Variants in TUSC7 observed in about 807,000 individuals in gnomAD.
TUSC7 encodes the protein tumor suppressor candidate 7, also known as LSAMP antisense RNA 3.
intron 1 of TUSC7, among the ~76,000 whole-genome samples, chr3:116,715,297 T>C (rs990363763): frequency 6.6e-6 from 1 of 152,206 alleles, no homozygotes; most frequent in African/African-American, 2.4e-5. Context: ...ATCTGTAGGC[T>C]GGTTTTTGTG....
chr3:116,712,180 GTTTTC>G (rs1202325806), intron 1 of TUSC7, among the ~76,000 whole-genome samples: 1 of 152,136 alleles, frequency 6.6e-6, no homozygotes, highest in East Asian at 1.9e-4. Context: ...ATGCTCCTGT[GTTTTC>G]TTATCTTATT....
intron 1 of TUSC7, among the ~76,000 whole-genome samples, chr3:116,711,507 T>C (rs576827427): frequency 6.6e-6 from 1 of 152,330 alleles, no homozygotes; most frequent in African/African-American, 2.4e-5. Context: ...TATTTCATTT[T>C]TAAGATACTT....
At chr3:116,711,033 T>C (rs2051457738) in intron 1 of TUSC7, among the ~76,000 whole-genome samples, 1 of 152,188 alleles carries the variant, frequency 6.6e-6, no homozygotes, top group South Asian at 2.1e-4. Flanking sequence ...ATTGTGCCTA[T>C]ATTTCTGGAT....
intron 1 of TUSC7, among the ~76,000 whole-genome samples, chr3:116,714,392 C>T (rs1373736016): frequency 6.6e-6 from 1 of 152,186 alleles, no homozygotes; most frequent in Non-Finnish European, 1.5e-5. Context: ...AGCTAGTCTG[C>T]ATCTTAGATT....
At chr3:116,709,866 T>C in exon 1 of TUSC7, 1 of 152,094 alleles carries the variant, frequency 6.6e-6, no homozygotes. Context: ...TGGAGATATA[T>C]CTTGCTAGAG....
intron 1 of TUSC7, chr3:116,716,800 G>T (rs1301307998): frequency 6.6e-6 from 1 of 152,166 alleles, no homozygotes; most frequent in East Asian, 1.9e-4. Flanking sequence ...ATGAATGCCA[G>T]TGTTCGCCTT....
intron 1 of TUSC7, among the ~76,000 whole-genome samples, chr3:116,714,944 A>G (rs1277883859): frequency 6.6e-6 from 1 of 152,208 alleles, no homozygotes; most frequent in African/African-American, 2.4e-5. Flanking sequence ...ATAGTATTGT[A>G]CAGAGGATTT....
chr3:116,709,910 G>T (rs1339510853), intron 1 of TUSC7: 5 of 152,092 alleles, frequency 3.3e-5, no homozygotes, highest in Admixed American at 3.3e-4. Flanking sequence ...TCTATAGGTA[G>T]AGGATAATGT....
chr3:116,711,531 T>TA (rs2051463218), intron 1 of TUSC7, among the ~76,000 whole-genome samples: 1 of 152,178 alleles, frequency 6.6e-6, no homozygotes, highest in East Asian at 1.9e-4. Context: ...GCTTTCTCAT[T>TA]CTATGATGTA....
At chr3:116,711,396 C>T (rs1360150491) in intron 1 of TUSC7, among the ~76,000 whole-genome samples, 1 of 152,140 alleles carries the variant, frequency 6.6e-6, no homozygotes, top group Admixed American at 6.5e-5. Flanking sequence ...TCTATAATAG[C>T]AATATATGAA....
intron 1 of TUSC7, among the ~76,000 whole-genome samples, chr3:116,713,812 A>T (rs1401176909): frequency 6.6e-6 from 1 of 152,144 alleles, no homozygotes; most frequent in African/African-American, 2.4e-5. Flanking sequence ...GTAAATATAC[A>T]AAAATGAGCC....
intron 1 of TUSC7, chr3:116,712,438 A>G (rs1466206501): frequency 1.3e-5 from 2 of 152,170 alleles, no homozygotes; most frequent in African/African-American, 4.8e-5. Flanking sequence ...CCTTAACCAC[A>G]CTGTACCCTC....
intron 1 of TUSC7, chr3:116,710,013 G>C (rs919045383): frequency 2.6e-5 from 4 of 152,130 alleles, no homozygotes; most frequent in Non-Finnish European, 5.9e-5. Context: ...AAAGAGCAAC[G>C]TTAAAGTGAG....
intron 1 of TUSC7, among the ~76,000 whole-genome samples, chr3:116,714,758 A>C (rs572111783): frequency 8.6e-4 from 131 of 152,304 alleles, no homozygotes; most frequent in African/African-American, 2.8e-3. Flanking sequence ...TCCCTCCACA[A>C]GGGCATAGTT....
At chr3:116,711,294 C>G (rs753500856) in intron 1 of TUSC7, among the ~76,000 whole-genome samples, 1 of 152,118 alleles carries the variant, frequency 6.6e-6, no homozygotes, top group Non-Finnish European at 1.5e-5. Flanking sequence ...AACTATTTCT[C>G]TCTTCATCCT....
chr3:116,710,941 A>G (rs1234676445), intron 1 of TUSC7, among the ~76,000 whole-genome samples: 1 of 152,142 alleles, frequency 6.6e-6, no homozygotes, highest in East Asian at 1.9e-4. Context: ...GCATTAACAA[A>G]GAGTGCTTCC....
intron 1 of TUSC7, among the ~76,000 whole-genome samples, chr3:116,714,636 C>T (rs2051489944): frequency 6.6e-6 from 1 of 152,020 alleles, no homozygotes; most frequent in South Asian, 2.1e-4. Flanking sequence ...AACTGTATGA[C>T]AGAGCAGTGA....
intron 1 of TUSC7, chr3:116,709,907 G>A (rs2051449468): frequency 1.3e-5 from 2 of 152,014 alleles, no homozygotes; most frequent in African/African-American, 4.8e-5. Context: ...GTTTCTATAG[G>A]TAGAGGATAA....
At chr3:116,714,421 T>C (rs1205839163) in intron 1 of TUSC7, among the ~76,000 whole-genome samples, 1 of 152,206 alleles carries the variant, frequency 6.6e-6, no homozygotes, top group Non-Finnish European at 1.5e-5. Context: ...CTGCAAGTTT[T>C]TGAGCATATA....
Sources: allele counts gnomAD v4.1 joint callset (sites outside exome capture counted in the v4.1 genomes callset), GRCh38; gene constraint gnomAD v4.1.1; transcripts MANE v1.5; gene names NCBI Gene and HGNC (gene_info 2026-07-23, HGNC 2026-07-21).